CDH13: variants seen among roughly 807,000 people sequenced by gnomAD.
The protein encoded by CDH13 is cadherin 13.
A neutral mutation model predicts 63.8 loss-of-function variants in CDH13; 24 were observed. The observed-to-expected ratio is 0.38, with a 90% confidence interval of 0.27 to 0.53. The LOEUF (loss-of-function observed/expected upper bound fraction) is 0.53, where lower values mean the gene tolerates loss of function less well. Among genes scored for constraint, CDH13 ranks in the 20% least tolerant of loss-of-function variants. The pLI, the probability that CDH13 is intolerant of heterozygous loss-of-function variation, is 0.85. For missense variants in CDH13, 1,049 were observed against 903.1 expected (o/e 1.16, Z -2.07); for synonymous variants, 503 against 355.3 (o/e 1.42, Z -4.67).
intron 6 of CDH13, among the ~76,000 whole-genome samples, chr16:83,371,154 A>T (rs765980091): frequency 1.3e-5 from 2 of 152,256 alleles, no homozygotes; most frequent in African/African-American, 2.4e-5. Flanking sequence ...TAAAACTACC[A>T]TTCAACCTAG....
At chr16:83,456,166 A>G (rs1441927656) in intron 6 of CDH13, among the ~76,000 whole-genome samples, 2 of 152,232 alleles carry the variant, frequency 1.3e-5, no homozygotes, top group Non-Finnish European at 2.9e-5. Flanking sequence ...CGAGCCTCCC[A>G]CTGTTGATAG....
At chr16:83,770,324 C>T (rs185987736) in intron 11 of CDH13, among the ~76,000 whole-genome samples, 1 of 152,134 alleles carries the variant, frequency 6.6e-6, no homozygotes, top group Admixed American at 6.6e-5. Context: ...CTCTTATGGA[C>T]GGGGAAGTGC....
intron 6 of CDH13, among the ~76,000 whole-genome samples, chr16:83,368,350 CTAACGTGTGAACT>C (rs1223931293): frequency 1.3e-5 from 2 of 152,178 alleles, no homozygotes; most frequent in African/African-American, 4.8e-5. Context: ...GCTTACCTTT[CTAACGTGTGAACT>C]AATTATGGAA....
chr16:83,493,080 C>T (rs2074053559), intron 7 of CDH13, among the ~76,000 whole-genome samples: 1 of 152,152 alleles, frequency 6.6e-6, no homozygotes, highest in Admixed American at 6.6e-5. Flanking sequence ...TCGATTTCTT[C>T]ATCTGCCACA....
chr16:82,884,741 T>C (rs967560897), intron 2 of CDH13, among the ~76,000 whole-genome samples: 1 of 152,232 alleles, frequency 6.6e-6, no homozygotes, highest in African/African-American at 2.4e-5. Context: ...CCAACAAGAC[T>C]TAGGCCACTT....
At chr16:83,619,180 C>G (rs947685052) in intron 8 of CDH13, among the ~76,000 whole-genome samples, 1 of 152,230 alleles carries the variant, frequency 6.6e-6, no homozygotes, top group South Asian at 2.1e-4. Flanking sequence ...TGTATGTGCG[C>G]TATGCCTCCT....
At chr16:82,639,289 T>C in intron 1 of CDH13, 1 of 1,083,828 alleles carries the variant, frequency 9.2e-7, no homozygotes, top group South Asian at 1.6e-5. Flanking sequence ...GGCTACTGAT[T>C]GCAACCTTCA....
chr16:83,461,204 A>G (rs1318631175), intron 6 of CDH13, among the ~76,000 whole-genome samples: 1 of 152,202 alleles, frequency 6.6e-6, no homozygotes, highest in African/African-American at 2.4e-5. Context: ...GTGTGTATAT[A>G]GGTACATATA....
intron 1 of CDH13, among the ~76,000 whole-genome samples, chr16:82,664,721 C>T (rs1348063198): frequency 6.6e-6 from 1 of 152,186 alleles, no homozygotes; most frequent in Non-Finnish European, 1.5e-5. Context: ...AACAATTTCA[C>T]TTTACTGGTT....
chr16:83,300,924 T>A (rs893439214), intron 5 of CDH13, among the ~76,000 whole-genome samples: 4 of 152,104 alleles, frequency 2.6e-5, no homozygotes, highest in African/African-American at 4.8e-5. Flanking sequence ...AACAGGGATT[T>A]AGATTTCCTC....
chr16:82,783,651 T>C (rs2035869450), intron 1 of CDH13, among the ~76,000 whole-genome samples: 1 of 152,230 alleles, frequency 6.6e-6, no homozygotes, highest in African/African-American at 2.4e-5. Flanking sequence ...ATGGAGTTGC[T>C]TGTTCAATGA....
chr16:82,984,491 G>A (rs1364415967), intron 2 of CDH13, among the ~76,000 whole-genome samples: 4 of 152,294 alleles, frequency 2.6e-5, no homozygotes, highest in East Asian at 3.9e-4. Flanking sequence ...TGTAAAATAA[G>A]GATGGTAATG....
At chr16:82,952,233 G>A (rs560099228) in intron 2 of CDH13, among the ~76,000 whole-genome samples, 1 of 152,314 alleles carries the variant, frequency 6.6e-6, no homozygotes, top group African/African-American at 2.4e-5. Flanking sequence ...CTGAGTTCAA[G>A]TGCCACTTCT....
intron 7 of CDH13, among the ~76,000 whole-genome samples, chr16:83,598,449 A>G (rs1907476574): frequency 6.6e-6 from 1 of 152,206 alleles, no homozygotes; most frequent in African/African-American, 2.4e-5. Flanking sequence ...AAGTATTAAA[A>G]GAGAAAACGA....
rs184444905 is a variant in CDH13 at position 82,736,339 on chromosome 16, G to C, written c.45+109202G>C. Among the ~76,000 whole-genome samples the C allele has an allele frequency of 8.5e-5, 13 of 152,196 alleles. No individual in the cohort carries two copies. The East Asian group carries it at 2.3e-3, about 27-fold the overall frequency. On this transcript the variant is annotated intron_variant, in intron 1 of 13. Coordinates refer to ENST00000567109, the MANE Select transcript of CDH13 (RefSeq NM_001257.5). ...CCAAAGACAAAGCGGAGTTGTTAAG[G>C]GAAGAAAAAAACAGAACTTCTTAAA...
At chr16:82,974,495 G>T (rs936081372) in intron 2 of CDH13, among the ~76,000 whole-genome samples, 1 of 152,144 alleles carries the variant, frequency 6.6e-6, no homozygotes, top group South Asian at 2.1e-4. Flanking sequence ...GGTATGACAG[G>T]CAGAATAATG....
In CDH13 at chr16:83,602,499, A is replaced by G. The variant is rs1490401808; in HGVS notation, c.1006A>G (p.Met336Val). The change falls in exon 8 of 14, where the codon ATG becomes GTG. Residue 336 changes from methionine to valine, a missense_variant. Transcript: ENST00000567109. Reference protein sequence around the residue: ...KYELIIEAQDMAGLDVGLTGT... With the variant: ...KYELIIEAQDVAGLDVGLTGT... Reference sequence around the variant, plus strand: ...TGAACTGATCATCGAGGCTCAAGATATGGCTGGACTGGATGTTGGATTAAC... The same window carrying G: ...TGAACTGATCATCGAGGCTCAAGATGTGGCTGGACTGGATGTTGGATTAAC... The G allele has an allele frequency of 1.9e-6, 3 of 1,613,964 alleles. No homozygotes were observed. Among genetic ancestry groups the G allele is most frequent in the Non-Finnish European group, 2.5e-6 (3 of 1,179,824 alleles).
At chr16:83,473,877 A>T (rs557391331) in intron 6 of CDH13, among the ~76,000 whole-genome samples, 11 of 147,034 alleles carry the variant, frequency 7.5e-5, no homozygotes, top group African/African-American at 2.7e-4. Context: ...TCTCCATAAA[A>T]TGGGCTAATG....
intron 7 of CDH13, among the ~76,000 whole-genome samples, chr16:83,540,611 A>G (rs754154905): frequency 1.3e-5 from 2 of 152,178 alleles, no homozygotes; most frequent in South Asian, 2.1e-4. Flanking sequence ...CCCTTTGTTC[A>G]GTCTCGTAAT....
Sources: gnomAD v4.1 joint callset for allele counts (sites outside exome capture counted in the v4.1 genomes callset) on GRCh38, gnomAD v4.1.1 for gene constraint, MANE v1.5 for transcripts, NCBI Gene and HGNC (gene_info 2026-07-23, HGNC 2026-07-21) for gene names.